Variants in RGS5 observed in about 807,000 individuals in gnomAD.
RGS5 encodes the protein regulator of G protein signaling 5.
RGS5 carries 20 observed loss-of-function variants against 18.9 expected under a neutral mutation model. The ratio of observed to expected loss-of-function variants is 1.06; its 90% CI spans 0.74 to 1.54. The LOEUF (loss-of-function observed/expected upper bound fraction) is 1.54. RGS5 is among the 40% of genes most tolerant of loss of function. RGS5 has a pLI of 0.00. For missense variants in RGS5, 201 were observed against 211.8 expected (o/e 0.95, Z 0.32); for synonymous variants, 57 against 76.2 (o/e 0.75, Z 1.31).
chr1:163,182,423 A>G (rs548022309), intron 1 of RGS5, among the ~76,000 whole-genome samples: 2 of 152,216 alleles, frequency 1.3e-5, no homozygotes, highest in East Asian at 1.9e-4. Flanking sequence ...TTAAAAGAGT[A>G]TTGTTTTTCC....
At chr1:163,226,692 C>A (rs1457239143) in intron 2 of RGS5, among the ~76,000 whole-genome samples, 3 of 152,164 alleles carry the variant, frequency 2.0e-5, no homozygotes, top group Non-Finnish European at 4.4e-5. Context: ...AGAGAATTAT[C>A]TTTTCTAATC....
At chr1:163,227,526 T>C (rs1297218653) in intron 2 of RGS5, among the ~76,000 whole-genome samples, 1 of 152,144 alleles carries the variant, frequency 6.6e-6, no homozygotes. Context: ...ATGGGGATTA[T>C]TACAATTAAA....
Position 163,152,584 on chromosome 1 carries a change from T to C in RGS5, c.350A>G (p.Tyr117Cys), listed in dbSNP as rs144088608. 21 of 1,612,826 alleles carry C rather than the reference T, an allele frequency of 1.3e-5. No individual in the cohort carries two copies. The African/African-American group carries it at 1.9e-4, about 14-fold the overall frequency. Residue 117 changes from tyrosine (Y) to cysteine (C), a missense_variant, in exon 4 of 5, where the codon TAT becomes TGT. Transcript: ENST00000313961. ...AKMAEKAKQI[Y>C]EEFIQTEAPK... ...AGCCTCCGTTTGAATGAATTCTTCA[T>C]AAATTTGCTTTGCCTTCTCAGCCAT...
chr1:163,260,646 C>G (rs1324038947), intron 2 of RGS5: 1 of 150,302 alleles, frequency 6.7e-6, no homozygotes, highest in African/African-American at 2.5e-5. Context: ...ACACTTGTAC[C>G]TCAAAAGCTA....
intron 2 of RGS5, chr1:163,259,809 G>C (rs1201819018): frequency 6.6e-6 from 1 of 152,668 alleles, no homozygotes; most frequent in East Asian, 1.9e-4. Flanking sequence ...CATGGCATCA[G>C]CAAATCCGGA....
At chr1:163,254,016 T>C (rs1447376480) in intron 2 of RGS5, among the ~76,000 whole-genome samples, 2 of 151,424 alleles carry the variant, frequency 1.3e-5, no homozygotes, top group East Asian at 3.9e-4. Context: ...TTCCATGGTG[T>C]ATATGTGCCA....
intron 1 of RGS5, chr1:163,211,037 G>A (rs1337790690): frequency 2.6e-5 from 4 of 152,200 alleles, no homozygotes; most frequent in Non-Finnish European, 5.9e-5. Flanking sequence ...TAAGCCAAGA[G>A]TAAACAGGAG....
At chr1:163,264,656 T>C (rs771147232) in intron 2 of RGS5, among the ~76,000 whole-genome samples, 3 of 152,156 alleles carry the variant, frequency 2.0e-5, no homozygotes, top group Non-Finnish European at 4.4e-5. Flanking sequence ...TTTAAACACA[T>C]TGCTGAATCT....
intron 2 of RGS5, among the ~76,000 whole-genome samples, chr1:163,273,364 C>A (rs922951921): frequency 6.6e-6 from 1 of 152,032 alleles, no homozygotes; most frequent in African/African-American, 2.4e-5. Flanking sequence ...GTTGTCTATA[C>A]TTTCAATTCT....
At chr1:163,295,661 A>G (rs1372359655) in intron 2 of RGS5, among the ~76,000 whole-genome samples, 1 of 152,054 alleles carries the variant, frequency 6.6e-6, no homozygotes, top group Admixed American at 6.6e-5. Flanking sequence ...GATTCTTTAT[A>G]CTTTTTCTAC....
chr1:163,224,764 T>C (rs999751946), intron 2 of RGS5, among the ~76,000 whole-genome samples: 10 of 152,210 alleles, frequency 6.6e-5, no homozygotes, highest in Admixed American at 6.5e-5. Context: ...CTCATTCTGC[T>C]TTGATTTGCA....
At chr1:163,250,586 C>G (rs1648080513) in intron 2 of RGS5, among the ~76,000 whole-genome samples, 1 of 152,288 alleles carries the variant, frequency 6.6e-6, no homozygotes, top group Admixed American at 6.5e-5. Flanking sequence ...TTGGCTGATG[C>G]AAATCTTGAT....
At chr1:163,241,988 C>G (rs954924210) in intron 2 of RGS5, among the ~76,000 whole-genome samples, 1 of 152,166 alleles carries the variant, frequency 6.6e-6, no homozygotes, top group Non-Finnish European at 1.5e-5. Context: ...GAGTATTAAT[C>G]TCAAGCACCT....
chr1:163,225,269 G>A (rs1180898761), intron 2 of RGS5, among the ~76,000 whole-genome samples: 1 of 152,140 alleles, frequency 6.6e-6, no homozygotes, highest in Non-Finnish European at 1.5e-5. Context: ...TGTTCCCACT[G>A]TCAAGGAAGA....
At chr1:163,253,641 T>C (rs1393964014) in intron 2 of RGS5, among the ~76,000 whole-genome samples, 2 of 151,216 alleles carry the variant, frequency 1.3e-5, no homozygotes, top group African/African-American at 2.4e-5. Context: ...TATTTATTTA[T>C]TTATTTTTTA....
At chr1:163,216,039 A>G (rs904999563) in intron 1 of RGS5, among the ~76,000 whole-genome samples, 1 of 152,242 alleles carries the variant, frequency 6.6e-6, no homozygotes, top group African/African-American at 2.4e-5. Flanking sequence ...TCCCAAAGGC[A>G]TGTTCAGTGG....
chr1:163,162,051 T>A (rs1657822099), intron 2 of RGS5, 75 bp from the exon 3 acceptor site: 1 of 963,536 alleles, frequency 1.0e-6, no homozygotes, highest in Admixed American at 1.7e-5. Context: ...CAATAACTAC[T>A]TCCTGTTTCT....
chr1:163,253,099 G>C (rs188824881), intron 2 of RGS5, among the ~76,000 whole-genome samples: 3 of 152,220 alleles, frequency 2.0e-5, no homozygotes, highest in Admixed American at 6.5e-5. Context: ...ATTTCACTAG[G>C]ATGAACAAAT....
upstream of RGS5, among the ~76,000 whole-genome samples, chr1:163,204,728 T>C (rs1032671651): frequency 6.6e-6 from 1 of 152,176 alleles, no homozygotes; most frequent in African/African-American, 2.4e-5. Flanking sequence ...TTAATTATCA[T>C]TTTTGAGACA....
Sources: allele counts gnomAD v4.1 joint callset (sites outside exome capture counted in the v4.1 genomes callset), GRCh38; gene constraint gnomAD v4.1.1; transcripts MANE v1.5; gene names NCBI Gene and HGNC (gene_info 2026-07-23, HGNC 2026-07-21).